SLC24A3: variants seen among roughly 807,000 people sequenced by gnomAD.
SLC24A3 encodes the protein sodium/potassium/calcium exchanger 3.
SLC24A3 carries 28 observed loss-of-function variants against 75.8 expected under a neutral mutation model. That is an observed-to-expected ratio of 0.37 (90% CI 0.27 to 0.51). The LOEUF is 0.51. Among genes scored for constraint, SLC24A3 ranks in the 20% least tolerant of loss-of-function variants. The pLI, the probability that SLC24A3 is intolerant of heterozygous loss-of-function variation, is 0.94. For synonymous variants in SLC24A3, 372 were observed against 334.1 expected, an observed-to-expected ratio of 1.11 and a Z score of -1.24; for missense variants, 663 against 847.8, an observed-to-expected ratio of 0.78 and a Z score of 2.71.
intron 6 of SLC24A3, among the ~76,000 whole-genome samples, chr20:19,585,772 G>A (rs2031285635): frequency 3.3e-5 from 5 of 152,130 alleles, no homozygotes; most frequent in Admixed American, 2.0e-4. Context: ...AGAATGCTCA[G>A]GTCCACATAA....
intron 1 of SLC24A3, among the ~76,000 whole-genome samples, chr20:19,271,253 T>C (rs1983321114): frequency 1.3e-5 from 2 of 151,842 alleles, no homozygotes; most frequent in South Asian, 4.2e-4. Flanking sequence ...ACCTCACTAA[T>C]GATCAGGGAA....
chr20:19,248,002 A>G (rs375397358), intron 1 of SLC24A3, among the ~76,000 whole-genome samples: 2 of 152,184 alleles, frequency 1.3e-5, no homozygotes, highest in South Asian at 4.1e-4. Flanking sequence ...TTCCATGGAG[A>G]AACCCATCCT....
intron 2 of SLC24A3, among the ~76,000 whole-genome samples, chr20:19,399,415 C>T (rs1452011415): frequency 2.0e-5 from 3 of 152,100 alleles, no homozygotes; most frequent in African/African-American, 4.8e-5. Context: ...TACTTGATGA[C>T]ATCTGGCAAT....
intron 1 of SLC24A3, among the ~76,000 whole-genome samples, chr20:19,246,157 A>G (rs1166702909): frequency 6.6e-6 from 1 of 152,192 alleles, no homozygotes; most frequent in Non-Finnish European, 1.5e-5. Flanking sequence ...ACAGAGAGAC[A>G]TATATAGCCT....
intron 3 of SLC24A3, among the ~76,000 whole-genome samples, chr20:19,523,562 G>GC (rs2030142950): frequency 6.6e-6 from 1 of 152,154 alleles, no homozygotes; most frequent in Non-Finnish European, 1.5e-5. Flanking sequence ...AGCCCCACAG[G>GC]CCCCATGGCT....
chr20:19,282,481 C>T (rs1395636042), intron 2 of SLC24A3, among the ~76,000 whole-genome samples: 2 of 152,218 alleles, frequency 1.3e-5, no homozygotes, highest in African/African-American at 4.8e-5. Flanking sequence ...GGTCCAAGTG[C>T]CCCACTGAGG....
chr20:19,670,993 A>G (rs2032459603), intron 8 of SLC24A3, among the ~76,000 whole-genome samples: 1 of 152,262 alleles, frequency 6.6e-6, no homozygotes, highest in African/African-American at 2.4e-5. Context: ...AGTGACTGCT[A>G]GAAACAGGTG....
chr20:19,440,396 T>G (rs1987277498), intron 2 of SLC24A3, among the ~76,000 whole-genome samples: 1 of 152,232 alleles, frequency 6.6e-6, no homozygotes, highest in Non-Finnish European at 1.5e-5. Context: ...CAGAGATCTC[T>G]TTTGTCTCTG....
chr20:19,608,814 A>C (rs749046858), intron 6 of SLC24A3, among the ~76,000 whole-genome samples: 1 of 152,052 alleles, frequency 6.6e-6, no homozygotes, highest in Non-Finnish European at 1.5e-5. Flanking sequence ...CGCTTTAAAA[A>C]CCTAGGCCCC....
chr20:19,318,744 G>A (rs756561240), intron 2 of SLC24A3, among the ~76,000 whole-genome samples: 22 of 152,204 alleles, frequency 1.4e-4, no homozygotes, highest in Non-Finnish European at 2.5e-4. Flanking sequence ...ACAAGGACAC[G>A]TGGGATGCTC....
At chr20:19,698,447 G>A (rs1414976771) in intron 14 of SLC24A3, 121 bp from the exon 15 acceptor site, 5 of 624,440 alleles carry the variant, frequency 8.0e-6, no homozygotes, top group African/African-American at 3.7e-5. Context: ...GGCCTTGAAA[G>A]AGAAGCACAT....
At chr20:19,717,431 G>A in intron 15 of SLC24A3, 97 bp from the exon 16 acceptor site, 2 of 1,171,234 alleles carry the variant, frequency 1.7e-6, no homozygotes, top group Non-Finnish European at 2.5e-6. Flanking sequence ...TGGAATCACT[G>A]CTACTCAGAG....
At chr20:19,285,502 A>AAAAT (rs1555785961) in intron 2 of SLC24A3, among the ~76,000 whole-genome samples, 3 of 145,718 alleles carry the variant, frequency 2.1e-5, no homozygotes, top group African/African-American at 7.7e-5. Context: ...AAAAAAAAAA[A>AAAAT]GGCATTTTTC....
intron 2 of SLC24A3, among the ~76,000 whole-genome samples, chr20:19,326,663 G>A (rs6081572): frequency 0.31 from 45,718 of 149,464 alleles, 7,407 homozygotes; most frequent in Middle Eastern, 0.52. Flanking sequence ...CTGCAGCCTC[G>A]ACCTTCCAGG....
At chr20:19,265,626 C>A (rs1257791089) in intron 1 of SLC24A3, 1 of 152,206 alleles carries the variant, frequency 6.6e-6, no homozygotes, top group Non-Finnish European at 1.5e-5. Flanking sequence ...TACATTGCAA[C>A]ATGGAATCGA....
chr20:19,367,322 T>C (rs1985910010), intron 2 of SLC24A3, among the ~76,000 whole-genome samples: 1 of 152,138 alleles, frequency 6.6e-6, no homozygotes. Context: ...TTACCAGTTT[T>C]AAATCTGGAA....
chr20:19,345,928 C>T (rs1197330533), intron 2 of SLC24A3, among the ~76,000 whole-genome samples: 3 of 151,284 alleles, frequency 2.0e-5, no homozygotes, highest in Non-Finnish European at 4.4e-5. Context: ...CCAGCAATCC[C>T]ACTACTAGGT....
intron 3 of SLC24A3, among the ~76,000 whole-genome samples, chr20:19,577,569 A>C (rs1329735725): frequency 6.6e-6 from 1 of 152,224 alleles, no homozygotes; most frequent in Non-Finnish European, 1.5e-5. Context: ...AATATTACAA[A>C]ATATAGTTAT....
rs544048958 is a variant in SLC24A3 at position 19,722,235 on chromosome 20, G to C, written c.*1095G>C. The C allele has an allele frequency of 1.3e-5, 2 of 152,688 alleles. No homozygotes were observed. The highest frequency in any genetic ancestry group is 4.8e-5 in the African/African-American group (2 of 41,444). The allele number at this position is 152,688 out of a possible 1,614,324, so 9.5% of individuals were successfully genotyped here. A position where few individuals can be genotyped will look rare whatever the true frequency, so the allele number is the denominator to read the frequency against. On this transcript the variant is annotated 3_prime_UTR_variant, in exon 17 of 17. Transcript: ENST00000328041. ...ACTTTGCACAGACGTCGTCAATTAA[G>C]TCCCAATTTGCCACTTGGTATTGAG...
Sources: allele counts gnomAD v4.1 joint callset (sites outside exome capture counted in the v4.1 genomes callset), GRCh38; gene constraint gnomAD v4.1.1; transcripts MANE v1.5; gene names NCBI Gene and HGNC (gene_info 2026-07-23, HGNC 2026-07-21).